Variants in BBOF1 observed in about 807,000 individuals in gnomAD.
The protein encoded by BBOF1 is basal body orientation factor 1, also known as basal body-orientation factor 1.
In BBOF1, 62 loss-of-function variants were observed where a neutral mutation model predicts 68.0. That is an observed-to-expected ratio of 0.91 (90% CI 0.74 to 1.13). The LOEUF (loss-of-function observed/expected upper bound fraction) is 1.13. Ranked by LOEUF, BBOF1 falls within the 50% of genes most tolerant of loss-of-function variation. The probability of loss-of-function intolerance (pLI) is 0.00; values close to 1 mark genes in which losing one functional copy is unlikely to be tolerated. For missense variants in BBOF1, 534 were observed against 600.1 expected, an observed-to-expected ratio of 0.89 and a Z score of 1.15; for synonymous variants, 208 against 198.8, an observed-to-expected ratio of 1.05 and a Z score of -0.39.
intron 3 of BBOF1, among the ~76,000 whole-genome samples, chr14:74,031,261 TACC>T (rs1479292074): frequency 6.6e-6 from 1 of 151,788 alleles, no homozygotes; most frequent in Non-Finnish European, 1.5e-5. Flanking sequence ...TGTAGGCGAG[TACC>T]ACTACACCTG....
intron 4 of BBOF1, among the ~76,000 whole-genome samples, chr14:74,037,567 G>A (rs1359854001): frequency 6.6e-6 from 1 of 150,804 alleles, no homozygotes; most frequent in Non-Finnish European, 1.5e-5. Flanking sequence ...TAGGCTTACA[G>A]GCATGAGCCA....
rs892580109 is a variant in BBOF1 at position 74,044,635 on chromosome 14, AT to A, written c.577-1417del. ...ACACCACCATGCCGAATTAAAAAAA[AT>A]TTTTTTTGGCCAGGCGCGGTGGTTC... On this transcript the variant is annotated intron_variant, in intron 5 of 11. Coordinates refer to ENST00000394009, the MANE Select transcript of BBOF1 (RefSeq NM_025057.3). 4.0e-5 allele frequency among the ~76,000 whole-genome samples: 6 copies of A among 151,702 alleles called. No homozygotes were observed. In the South Asian group the frequency reaches 8.3e-4, roughly 21 times the overall value.
chr14:74,054,365 A>G (rs2060135805), intron 8 of BBOF1, among the ~76,000 whole-genome samples: 1 of 148,386 alleles, frequency 6.7e-6, no homozygotes, highest in African/African-American at 2.5e-5. Flanking sequence ...AAATAATGTT[A>G]CATTACAGTT....
At position 74,055,688 on chromosome 14, in the gene BBOF1, A is replaced by G; in HGVS notation, c.1388+3A>G. 6.2e-7 allele frequency: 1 copy of G among 1,605,782 alleles called. No homozygotes were observed. The highest frequency in any genetic ancestry group is 8.5e-7 in the Non-Finnish European group (1 of 1,172,956). On this transcript the variant is annotated splice_donor_region_variant and intron_variant, in intron 9 of 11. Coordinates refer to ENST00000394009, the MANE Select transcript of BBOF1 (RefSeq NM_025057.3). ...AAAATGAATGGCTGTCCTTCTAGGTAACTCCCTATTTCTGCAGTGAAATAC... is the reference window on the plus strand; with the variant it reads ...AAAATGAATGGCTGTCCTTCTAGGTGACTCCCTATTTCTGCAGTGAAATAC...
At chr14:74,063,263 T>C (rs887910076) in intron 11 of BBOF1, among the ~76,000 whole-genome samples, 2 of 151,892 alleles carry the variant, frequency 1.3e-5, no homozygotes, top group African/African-American at 4.8e-5. Context: ...CTCGGCTCAC[T>C]GCAACTTCCG....
intron 1 of BBOF1, 143 bp downstream of exon 1, chr14:74,019,677 T>A: frequency 7.2e-7 from 1 of 1,386,816 alleles, no homozygotes; most frequent in Non-Finnish European, 9.7e-7. Flanking sequence ...ACAGCTCCCA[T>A]GTCCATAGTC....
chr14:74,072,672 G>T (rs972233253), intron 9 of BBOF1: 1 of 1,569,034 alleles, frequency 6.4e-7, no homozygotes. Flanking sequence ...TTAGCTAATT[G>T]CTTTGCTTTT....
chr14:74,077,709 A>G (rs375732124), intron 9 of BBOF1, among the ~76,000 whole-genome samples: 1 of 152,190 alleles, frequency 6.6e-6, no homozygotes, highest in African/African-American at 2.4e-5. Flanking sequence ...CTAGGTCCCA[A>G]CACTATCACA....
intron 11 of BBOF1, among the ~76,000 whole-genome samples, chr14:74,061,540 G>A (rs750184760): frequency 6.6e-6 from 1 of 152,056 alleles, no homozygotes; most frequent in Non-Finnish European, 1.5e-5. Flanking sequence ...TGGCCAAGCT[G>A]GTCTTGAACC....
intron 9 of BBOF1, among the ~76,000 whole-genome samples, chr14:74,074,682 G>A (rs539814879): frequency 6.6e-6 from 1 of 152,306 alleles, no homozygotes; most frequent in African/African-American, 2.4e-5. Flanking sequence ...GATGCTGGAA[G>A]TGGTTGACAG....
intron 9 of BBOF1, among the ~76,000 whole-genome samples, chr14:74,073,952 T>C (rs1256424531): frequency 1.3e-5 from 2 of 150,934 alleles, no homozygotes; most frequent in Non-Finnish European, 2.9e-5. Context: ...AAAATGTTTC[T>C]ATGTATTTTT....
At chr14:74,080,059 C>A in intron 10 of BBOF1, among the ~76,000 whole-genome samples, 1 of 151,810 alleles carries the variant, frequency 6.6e-6, no homozygotes, top group Non-Finnish European at 1.5e-5. Context: ...AACCAAAAAA[C>A]AAAAGCAAAA....
chr14:74,080,126 C>T (rs375762253), intron 10 of BBOF1, among the ~76,000 whole-genome samples: 3 of 152,136 alleles, frequency 2.0e-5, no homozygotes, highest in East Asian at 1.9e-4. Context: ...GCCCACCTCT[C>T]GGTAAATAGG....
At chr14:74,067,457 G>A, downstream of BBOF1, 2 of 1,614,192 alleles carry the variant, frequency 1.2e-6, no homozygotes, top group Non-Finnish European at 1.7e-6. Context: ...AAGGACTGCT[G>A]TTGAAAGAGC....
chr14:74,060,153 T>G (rs1217605380), intron 11 of BBOF1: 2 of 157,882 alleles, frequency 1.3e-5, no homozygotes, highest in Non-Finnish European at 2.8e-5. Context: ...AAAAATTTTT[T>G]TTCCCTTTTC....
chr14:74,026,542 T>C (rs529264851), intron 2 of BBOF1, among the ~76,000 whole-genome samples: 1 of 151,524 alleles, frequency 6.6e-6, no homozygotes, highest in Admixed American at 6.6e-5. Context: ...GGGGCTTCCA[T>C]TGGCCAAATC....
At chr14:74,034,197 AAG>A in intron 4 of BBOF1, 26 bp downstream of exon 4, 1 of 1,477,996 alleles carries the variant, frequency 6.8e-7, no homozygotes, top group Non-Finnish European at 9.0e-7. Context: ...TTTTTACAAA[AAG>A]GAAATTAGAA....
intron 1 of BBOF1, among the ~76,000 whole-genome samples, chr14:74,020,511 T>C (rs1347022074): frequency 6.6e-6 from 1 of 152,154 alleles, no homozygotes; most frequent in Non-Finnish European, 1.5e-5. Flanking sequence ...AGTACTTTTT[T>C]TTTTTTCTTG....
At chr14:74,041,695 A>G (rs1286012026) in intron 5 of BBOF1, among the ~76,000 whole-genome samples, 2 of 152,122 alleles carry the variant, frequency 1.3e-5, no homozygotes, top group Non-Finnish European at 2.9e-5. Flanking sequence ...AGTTGGGGCT[A>G]CAGGCATATA....
Sources: gnomAD v4.1 joint callset for allele counts (sites outside exome capture counted in the v4.1 genomes callset) on GRCh38, gnomAD v4.1.1 for gene constraint, MANE v1.5 for transcripts, NCBI Gene and HGNC (gene_info 2026-07-23, HGNC 2026-07-21) for gene names.